Variants in SND1 observed in about 807,000 individuals in gnomAD.
SND1 encodes staphylococcal nuclease and tudor domain containing 1.
Under a neutral mutation model 121.7 loss-of-function variants are expected in SND1, and 38 were observed. The observed-to-expected ratio is 0.31, with a 90% CI of 0.24 to 0.41. The LOEUF (loss-of-function observed/expected upper bound fraction) is 0.41. SND1 is among the 10% of genes least tolerant of loss of function. The probability of loss-of-function intolerance (pLI) is 1.00; values close to 1 mark genes in which losing one functional copy is unlikely to be tolerated. For synonymous variants in SND1, 401 were observed against 447.4 expected (o/e 0.90, Z 1.31); for missense variants, 868 against 1,184.6 (o/e 0.73, Z 3.92).
intron 10 of SND1, among the ~76,000 whole-genome samples, chr7:127,762,329 C>A (rs1354478018): frequency 6.6e-6 from 1 of 152,120 alleles, no homozygotes; most frequent in Admixed American, 6.5e-5. Flanking sequence ...TCTTGTTGTC[C>A]CTTGGTCTCA....
chr7:127,876,918 C>T (rs1319734413), intron 12 of SND1, among the ~76,000 whole-genome samples: 4 of 152,014 alleles, frequency 2.6e-5, no homozygotes, highest in African/African-American at 9.7e-5. Context: ...TCTTGTTTTT[C>T]TTCTCTCATT....
At chr7:127,893,232 C>T (rs1020130859) in intron 13 of SND1, among the ~76,000 whole-genome samples, 14 of 152,064 alleles carry the variant, frequency 9.2e-5, no homozygotes, top group Non-Finnish European at 1.8e-4. Flanking sequence ...ATGTGAATTT[C>T]GTCATCATGC....
chr7:127,933,103 A>G (rs1433380514), intron 15 of SND1, among the ~76,000 whole-genome samples: 1 of 152,218 alleles, frequency 6.6e-6, no homozygotes, highest in African/African-American at 2.4e-5. Context: ...CCACAAATGT[A>G]TAGGGGAAAG....
chr7:127,751,168 G>A (rs937364626), intron 10 of SND1, among the ~76,000 whole-genome samples: 2 of 151,924 alleles, frequency 1.3e-5, no homozygotes, highest in Non-Finnish European at 2.9e-5. Flanking sequence ...GTGTGTGCGC[G>A]CGTGCTGAAA....
chr7:127,706,244 G>GCCCCCCCC (rs1475346459), intron 8 of SND1, among the ~76,000 whole-genome samples: 1 of 44,012 alleles, frequency 2.3e-5, no homozygotes, highest in Admixed American at 2.5e-4. Context: ...TTAATTTCTT[G>GCCCCCCCC]CCCCCCCTCC....
intron 12 of SND1, chr7:127,857,718 TA>T (rs1482590828): frequency 3.3e-6 from 2 of 600,164 alleles, no homozygotes; most frequent in East Asian, 2.8e-5. Context: ...GCCCCACAAC[TA>T]AAGGCTTTTA....
intron 12 of SND1, among the ~76,000 whole-genome samples, chr7:127,868,509 A>G (rs964800547): frequency 3.3e-5 from 5 of 152,078 alleles, no homozygotes; most frequent in African/African-American, 1.2e-4. Context: ...TGTCCTTTCC[A>G]TGGCTCCCCA....
chr7:128,072,843 C>G (rs1372255924), intron 16 of SND1, among the ~76,000 whole-genome samples: 1 of 152,202 alleles, frequency 6.6e-6, no homozygotes, highest in Non-Finnish European at 1.5e-5. Flanking sequence ...CAGATTTTGC[C>G]CACCTGCCCT....
intron 21 of SND1, among the ~76,000 whole-genome samples, chr7:128,087,979 G>A (rs1424542132): frequency 1.3e-5 from 2 of 152,166 alleles, no homozygotes; most frequent in Non-Finnish European, 2.9e-5. Context: ...TTGAGAAGGT[G>A]CCTGGTACCT....
intron 13 of SND1, among the ~76,000 whole-genome samples, chr7:127,891,136 A>G (rs1050524667): frequency 5.3e-5 from 8 of 152,116 alleles, no homozygotes; most frequent in African/African-American, 1.9e-4. Context: ...CAGATTCAAG[A>G]AAGATCAGAA....
At chr7:127,869,856 C>A (rs1222456696) in intron 12 of SND1, among the ~76,000 whole-genome samples, 1 of 152,156 alleles carries the variant, frequency 6.6e-6, no homozygotes, top group African/African-American at 2.4e-5. Flanking sequence ...TTTTCCATCT[C>A]CATAGTTTTG....
At chr7:127,909,841 C>G (rs1467244664) in intron 14 of SND1, among the ~76,000 whole-genome samples, 1 of 152,204 alleles carries the variant, frequency 6.6e-6, no homozygotes, top group African/African-American at 2.4e-5. Flanking sequence ...GAAACGAAGT[C>G]TTACAGAGTT....
chr7:127,997,726 G>A (rs146768983), intron 16 of SND1: 9 of 533,814 alleles, frequency 1.7e-5, no homozygotes, highest in African/African-American at 7.7e-5. Context: ...TTCGTAATTC[G>A]TGCCTTATCA....
At chr7:127,897,865 A>G (rs1250654840) in intron 13 of SND1, among the ~76,000 whole-genome samples, 1 of 152,106 alleles carries the variant, frequency 6.6e-6, no homozygotes, top group African/African-American at 2.4e-5. Flanking sequence ...ATTATGAGTC[A>G]TTGTTTCCTG....
At chr7:127,699,230 A>G (rs893218396) in intron 4 of SND1, among the ~76,000 whole-genome samples, 1 of 152,174 alleles carries the variant, frequency 6.6e-6, no homozygotes, top group Non-Finnish European at 1.5e-5. Flanking sequence ...TCAGTTCCAG[A>G]GTGTTTACCT....
chr7:127,913,260 CTT>C (rs1800497483), intron 14 of SND1, among the ~76,000 whole-genome samples: 1 of 152,144 alleles, frequency 6.6e-6, no homozygotes. Flanking sequence ...TATCAGGAAA[CTT>C]TCTGCCATAA....
In SND1 at chr7:127,974,548, C is replaced by G. The variant is rs114239516; in HGVS notation, c.1670-16399C>G. Among the ~76,000 whole-genome samples, 764 of 152,246 alleles carry G rather than the reference C, an allele frequency of 5.0e-3. 5 individuals carry two copies. Among genetic ancestry groups the G allele is most frequent in the African/African-American group, 0.018 (736 of 41,534 alleles). On this transcript the variant is annotated intron_variant, in intron 15 of 23. Transcript: ENST00000354725. ...ACAGAAATGAGCCCACTTTTTATGC[C>G]GGTCCAAAATACTGACATTATTTAG...
chr7:127,756,853 TA>T (rs1254214709), intron 10 of SND1, among the ~76,000 whole-genome samples: 1 of 152,204 alleles, frequency 6.6e-6, no homozygotes, highest in African/African-American at 2.4e-5. Context: ...CTAATACTAA[TA>T]AAAATATTAT....
At chr7:127,862,651 A>G (rs565848461) in intron 12 of SND1, among the ~76,000 whole-genome samples, 2 of 152,350 alleles carry the variant, frequency 1.3e-5, no homozygotes, top group East Asian at 1.9e-4. Context: ...TCACTGGCCA[A>G]TGATGAAAAC....
Sources: gnomAD v4.1 joint callset for allele counts (sites outside exome capture counted in the v4.1 genomes callset) on GRCh38, gnomAD v4.1.1 for gene constraint, MANE v1.5 for transcripts, NCBI Gene and HGNC (gene_info 2026-07-23, HGNC 2026-07-21) for gene names.